The following GRM5 variants were observed in gnomAD, a reference collection of about 807,000 sequenced individuals.
The protein encoded by GRM5 is metabotropic glutamate receptor 5.
A neutral mutation model predicts 83.1 loss-of-function variants in GRM5; 19 were observed. That is an observed-to-expected ratio of 0.23 (90% CI 0.16 to 0.34). The LOEUF is 0.34. Among genes scored for constraint, GRM5 ranks in the 10% least tolerant of loss-of-function variants. The pLI, the probability that GRM5 is intolerant of heterozygous loss-of-function variation, is 1.00. For synonymous variants in GRM5, 675 were observed against 633.6 expected (o/e 1.07, Z -0.98); for missense variants, 1,160 against 1,588.3 (o/e 0.73, Z 4.58).
At chr11:88,930,926 G>T (rs1480748193) in intron 2 of GRM5, among the ~76,000 whole-genome samples, 1 of 113,880 alleles carries the variant, frequency 8.8e-6, no homozygotes, top group Non-Finnish European at 1.8e-5. Flanking sequence ...CTAGATGAAG[G>T]GAAGTGTAGT....
intron 2 of GRM5, among the ~76,000 whole-genome samples, chr11:89,024,554 G>A (rs766613686): frequency 5.3e-5 from 8 of 152,088 alleles, no homozygotes; most frequent in Non-Finnish European, 8.8e-5. Flanking sequence ...ATAAAATACT[G>A]GCAGGGATGT....
intron 7 of GRM5, among the ~76,000 whole-genome samples, chr11:88,582,054 T>C (rs148356204): frequency 6.6e-6 from 1 of 152,188 alleles, no homozygotes; most frequent in Admixed American, 6.6e-5. Flanking sequence ...ATTCATTTCT[T>C]CATTTCCTCT....
At chr11:88,962,380 C>T (rs925052037) in intron 2 of GRM5, among the ~76,000 whole-genome samples, 1 of 152,176 alleles carries the variant, frequency 6.6e-6, no homozygotes, top group African/African-American at 2.4e-5. Flanking sequence ...TTCCACCACT[C>T]TCTTCATGCA....
rs1448584597 is a variant in GRM5 at position 88,505,940 on chromosome 11, C to A, written c.*2652G>T. On this transcript the variant is annotated 3_prime_UTR_variant, in exon 10 of 10. Transcript: ENST00000305447. ...TGTACTGTAGAGTTATTACTTGGAACCTGGTATTAGAATTGGCAAAGAGAC... is the reference window on the plus strand; with the variant it reads ...TGTACTGTAGAGTTATTACTTGGAAACTGGTATTAGAATTGGCAAAGAGAC... The A allele has an allele frequency of 2.0e-5, 3 of 152,094 alleles. No individual in the cohort carries two copies. Among genetic ancestry groups the A allele is most frequent in the Non-Finnish European group, 4.4e-5 (3 of 67,998 alleles). 9.4% of individuals were successfully genotyped at this position (152,094 alleles called of 1,614,324 possible). A position where few individuals can be genotyped will look rare whatever the true frequency, so the allele number is the denominator to read the frequency against.
At chr11:88,596,521 T>C (rs1937809666) in intron 6 of GRM5, among the ~76,000 whole-genome samples, 1 of 152,156 alleles carries the variant, frequency 6.6e-6, no homozygotes, top group African/African-American at 2.4e-5. Context: ...ATTTAGAGCA[T>C]TGCACTCTAG....
intron 7 of GRM5, among the ~76,000 whole-genome samples, chr11:88,581,547 A>G (rs77876000): frequency 0.015 from 2,344 of 152,322 alleles, 64 homozygotes; most frequent in African/African-American, 0.054. Context: ...ATGCAGCACA[A>G]ATTCTCAGCT....
intron 2 of GRM5, among the ~76,000 whole-genome samples, chr11:89,037,196 T>C (rs942487039): frequency 2.6e-5 from 4 of 152,086 alleles, no homozygotes; most frequent in Admixed American, 2.0e-4. Context: ...GTTAGAAATG[T>C]TAATTTGTTA....
chr11:88,866,351 A>G (rs1263823796), intron 2 of GRM5, among the ~76,000 whole-genome samples: 1 of 152,070 alleles, frequency 6.6e-6, no homozygotes, highest in Non-Finnish European at 1.5e-5. Flanking sequence ...GGAGTTGAAC[A>G]ATGAGAACAC....
rs181002397 is a variant in GRM5 at position 88,794,409 on chromosome 11, C to A, written c.911+55497G>T. On this transcript the variant is annotated intron_variant, in intron 3 of 9. Transcript: ENST00000305447. ...TTTACCATGGCTTAAAATTCCCTGG[C>A]AGATCTGTGAGAGTGTAGTCAGCCT... Among the ~76,000 whole-genome samples, 16 of 152,256 alleles carry A rather than the reference C, an allele frequency of 1.1e-4. No individual in the cohort carries two copies. The East Asian group carries it at 3.1e-3, about 29-fold the overall frequency.
intron 2 of GRM5, among the ~76,000 whole-genome samples, chr11:89,020,354 A>C (rs1940951246): frequency 6.6e-6 from 1 of 152,230 alleles, no homozygotes; most frequent in African/African-American, 2.4e-5. Context: ...TGTTCAGAGC[A>C]TGCTCCCTTA....
intron 2 of GRM5, among the ~76,000 whole-genome samples, chr11:88,878,957 A>G (rs1944903662): frequency 6.6e-6 from 1 of 152,130 alleles, no homozygotes; most frequent in South Asian, 2.1e-4. Context: ...CGTTTAGGCA[A>G]TTTGGCGGAG....
intron 3 of GRM5, among the ~76,000 whole-genome samples, chr11:88,753,678 C>T (rs996269265): frequency 6.6e-6 from 1 of 151,954 alleles, no homozygotes; most frequent in Non-Finnish European, 1.5e-5. Context: ...AACCTAAATC[C>T]CCATCAATGA....
intron 7 of GRM5, among the ~76,000 whole-genome samples, chr11:88,579,128 T>A (rs1943174848): frequency 6.6e-6 from 1 of 152,174 alleles, no homozygotes; most frequent in Admixed American, 6.5e-5. Context: ...TAATTTTAAT[T>A]TTTATGGGTA....
chr11:88,800,277 T>TA (rs1395909456), intron 3 of GRM5, among the ~76,000 whole-genome samples: 2 of 152,090 alleles, frequency 1.3e-5, no homozygotes, highest in African/African-American at 4.8e-5. Flanking sequence ...CTGCAGTTCT[T>TA]ATGTAGGACT....
chr11:88,664,166 T>C (rs938906081), intron 3 of GRM5, among the ~76,000 whole-genome samples: 1 of 152,190 alleles, frequency 6.6e-6, no homozygotes, highest in African/African-American at 2.4e-5. Context: ...AAAAATTACT[T>C]GAATGATAAC....
intron 9 of GRM5, among the ~76,000 whole-genome samples, chr11:88,519,842 T>C (rs1351662995): frequency 6.6e-6 from 1 of 152,160 alleles, no homozygotes; most frequent in Admixed American, 6.5e-5. Flanking sequence ...ATTGAATGCC[T>C]ATTGTGTGTC....
At chr11:88,541,132 A>G (rs1331225494) in intron 8 of GRM5, among the ~76,000 whole-genome samples, 1 of 152,188 alleles carries the variant, frequency 6.6e-6, no homozygotes, top group Non-Finnish European at 1.5e-5. Context: ...ATGTTTAATT[A>G]TAATCACACA....
At chr11:89,063,908 CAT>C (rs1942049938) in intron 1 of GRM5, among the ~76,000 whole-genome samples, 1 of 152,118 alleles carries the variant, frequency 6.6e-6, no homozygotes. Flanking sequence ...TTACTTTTCA[CAT>C]GTTTACCGTC....
intron 1 of GRM5, among the ~76,000 whole-genome samples, chr11:89,063,285 C>T (rs1030155419): frequency 6.6e-6 from 1 of 152,176 alleles, no homozygotes; most frequent in Non-Finnish European, 1.5e-5. Flanking sequence ...CCATTGCTCG[C>T]GCCTTTTTCC....
Sources: gnomAD v4.1 joint callset for allele counts (sites outside exome capture counted in the v4.1 genomes callset) on GRCh38, gnomAD v4.1.1 for gene constraint, MANE v1.5 for transcripts, NCBI Gene and HGNC (gene_info 2026-07-23, HGNC 2026-07-21) for gene names.